Variants in LSAMP observed in about 807,000 individuals in gnomAD.
The protein encoded by LSAMP is limbic system associated membrane protein.
Under a neutral mutation model 38.6 loss-of-function variants are expected in LSAMP, and 7 were observed. The observed-to-expected ratio is 0.18, with a 90% CI of 0.10 to 0.34. The LOEUF is 0.34. Ranked by LOEUF, LSAMP falls within the 10% of genes least tolerant of loss-of-function variation. The pLI is 1.00. For missense variants in LSAMP, 313 were observed against 420.0 expected (o/e 0.75, Z 2.23); for synonymous variants, 154 against 166.8 (o/e 0.92, Z 0.59).
chr3:115,933,939 T>C (rs566335472), intron 3 of LSAMP, among the ~76,000 whole-genome samples: 1 of 152,186 alleles, frequency 6.6e-6, no homozygotes, highest in South Asian at 2.1e-4. Flanking sequence ...AAGCAATAAA[T>C]GTAATTCATT....
intron 1 of LSAMP, among the ~76,000 whole-genome samples, chr3:116,314,390 G>T (rs1319797261): frequency 6.6e-6 from 1 of 152,158 alleles, no homozygotes; most frequent in Non-Finnish European, 1.5e-5. Context: ...AGAAACTCCT[G>T]GTAGAACTCA....
At chr3:115,978,722 A>C (rs1939264894) in intron 3 of LSAMP, among the ~76,000 whole-genome samples, 1 of 152,120 alleles carries the variant, frequency 6.6e-6, no homozygotes. Context: ...AGTTGGCAGA[A>C]ATGATAAAAT....
intron 1 of LSAMP, among the ~76,000 whole-genome samples, chr3:116,265,957 G>GTTT (rs11391588): frequency 6.6e-6 from 1 of 150,890 alleles, no homozygotes; most frequent in South Asian, 2.1e-4. Context: ...AAGTTGTGGG[G>GTTT]TTTTTTTTTC....
At chr3:116,416,824 T>A (rs1619655) in intron 1 of LSAMP, among the ~76,000 whole-genome samples, 3 of 151,874 alleles carry the variant, frequency 2.0e-5, no homozygotes, top group African/African-American at 4.8e-5. Flanking sequence ...TTTAAACCTC[T>A]TTGTGTCCTC....
At chr3:116,350,096 A>C (rs760619440) in intron 1 of LSAMP, among the ~76,000 whole-genome samples, 1 of 152,064 alleles carries the variant, frequency 6.6e-6, no homozygotes, top group South Asian at 2.1e-4. Context: ...TATTAAAATA[A>C]TTGATTAAGA....
intron 2 of LSAMP, among the ~76,000 whole-genome samples, chr3:116,022,053 T>C (rs1311057057): frequency 1.3e-5 from 2 of 152,152 alleles, no homozygotes; most frequent in East Asian, 3.9e-4. Flanking sequence ...TTGTGCTGAA[T>C]AGTTAGGAAT....
intron 1 of LSAMP, among the ~76,000 whole-genome samples, chr3:116,347,219 C>G: frequency 6.6e-6 from 1 of 152,202 alleles, no homozygotes; most frequent in Non-Finnish European, 1.5e-5. Context: ...TCTATTCACT[C>G]TTTATGACAG....
At chr3:116,269,970 C>CATTCT (rs1176266877) in intron 1 of LSAMP, among the ~76,000 whole-genome samples, 2 of 152,058 alleles carry the variant, frequency 1.3e-5, no homozygotes, top group Non-Finnish European at 2.9e-5. Flanking sequence ...CCCATGGGGG[C>CATTCT]ATTCTATTTA....
At chr3:116,239,574 T>C (rs969767696) in intron 1 of LSAMP, among the ~76,000 whole-genome samples, 1 of 152,154 alleles carries the variant, frequency 6.6e-6, no homozygotes, top group Non-Finnish European at 1.5e-5. Flanking sequence ...AATTAAAAAA[T>C]GATTTTAAAT....
chr3:116,401,756 C>A (rs993005993), intron 1 of LSAMP, among the ~76,000 whole-genome samples: 1 of 152,084 alleles, frequency 6.6e-6, no homozygotes, highest in African/African-American at 2.4e-5. Flanking sequence ...AGAGATAGAC[C>A]AAGTTAAGGC....
At chr3:116,293,943 T>C (rs1383659480) in intron 1 of LSAMP, among the ~76,000 whole-genome samples, 1 of 152,150 alleles carries the variant, frequency 6.6e-6, no homozygotes, top group Non-Finnish European at 1.5e-5. Flanking sequence ...ACTATATGTA[T>C]ATACTATATA....
At chr3:116,053,657 G>A (rs773672236) in intron 2 of LSAMP, among the ~76,000 whole-genome samples, 5 of 152,122 alleles carry the variant, frequency 3.3e-5, no homozygotes, top group African/African-American at 7.2e-5. Context: ...AGTTTGATAC[G>A]ACTGAAACAT....
intron 1 of LSAMP, among the ~76,000 whole-genome samples, chr3:116,317,909 G>A (rs1312288688): frequency 1.3e-5 from 2 of 151,602 alleles, no homozygotes; most frequent in African/African-American, 4.8e-5. Context: ...GCTGAGGTAG[G>A]CGGATCACTT....
At chr3:116,316,582 C>T (rs2047631784) in intron 1 of LSAMP, among the ~76,000 whole-genome samples, 1 of 151,832 alleles carries the variant, frequency 6.6e-6, no homozygotes, top group Admixed American at 6.6e-5. Flanking sequence ...ACCAGCCTGG[C>T]CAACATTATG....
intron 3 of LSAMP, among the ~76,000 whole-genome samples, chr3:116,009,514 G>A (rs1940263158): frequency 6.6e-6 from 1 of 152,122 alleles, no homozygotes; most frequent in Admixed American, 6.6e-5. Flanking sequence ...ATTCACAAAA[G>A]AGATAATTTA....
intron 1 of LSAMP, among the ~76,000 whole-genome samples, chr3:116,287,604 C>T (rs1001434835): frequency 6.6e-6 from 1 of 151,970 alleles, no homozygotes; most frequent in Non-Finnish European, 1.5e-5. Context: ...AAAGCAAACT[C>T]CACTAGAAGA....
chr3:116,333,143 T>C (rs1447923828), intron 1 of LSAMP, among the ~76,000 whole-genome samples: 1 of 152,106 alleles, frequency 6.6e-6, no homozygotes, highest in East Asian at 1.9e-4. Flanking sequence ...ACCAGACATA[T>C]TCAGAATACT....
chr3:115,959,221 C>A (rs1247835409), intron 3 of LSAMP, among the ~76,000 whole-genome samples: 2 of 151,978 alleles, frequency 1.3e-5, no homozygotes, highest in Non-Finnish European at 2.9e-5. Context: ...GGATTTTAGC[C>A]TGAGATTTTT....
chr3:116,184,568 T>A (rs1270832045), intron 1 of LSAMP, among the ~76,000 whole-genome samples: 1 of 151,952 alleles, frequency 6.6e-6, no homozygotes, highest in South Asian at 2.1e-4. Flanking sequence ...TTTAAAAATA[T>A]AAAATTTGGT....
Sources: allele counts gnomAD v4.1 joint callset (sites outside exome capture counted in the v4.1 genomes callset), GRCh38; gene constraint gnomAD v4.1.1; transcripts MANE v1.5; gene names NCBI Gene and HGNC (gene_info 2026-07-23, HGNC 2026-07-21).